The following TBC1D32 variants were observed in gnomAD, a reference collection of about 807,000 sequenced individuals.
TBC1D32 encodes protein broad-minded.
In TBC1D32, 151 loss-of-function variants were observed where a neutral mutation model predicts 170.3. The observed-to-expected ratio is 0.89, with a 90% CI of 0.78 to 1.01. TBC1D32 has a LOEUF of 1.01. Among genes scored for constraint, TBC1D32 ranks in the 50% least tolerant of loss-of-function variants. The pLI is 0.00. For missense variants in TBC1D32, 1,464 were observed against 1,457.1 expected, an observed-to-expected ratio of 1.00 and a Z score of -0.08; for synonymous variants, 498 against 488.0, an observed-to-expected ratio of 1.02 and a Z score of -0.27.
chr6:121,190,145 C>G (rs1789787213), intron 22 of TBC1D32, among the ~76,000 whole-genome samples: 1 of 143,042 alleles, frequency 7.0e-6, no homozygotes. Flanking sequence ...CCTCTCCGTC[C>G]CCCACCACCC....
chr6:121,299,296 A>T, intron 10 of TBC1D32, 150 bp downstream of exon 10: 1 of 752,590 alleles, frequency 1.3e-6, no homozygotes, highest in South Asian at 1.8e-5. Flanking sequence ...TTTATGTGTC[A>T]CAGGATGGTA....
At chr6:121,308,464 AG>A (rs1807659164) in intron 4 of TBC1D32, among the ~76,000 whole-genome samples, 2 of 152,020 alleles carry the variant, frequency 1.3e-5, no homozygotes, top group African/African-American at 4.8e-5. Flanking sequence ...CCGTTCCTAC[AG>A]TTTGAGGGCT....
intron 24 of TBC1D32, among the ~76,000 whole-genome samples, chr6:121,150,168 T>C (rs997460628): frequency 1.3e-5 from 2 of 152,244 alleles, no homozygotes; most frequent in African/African-American, 2.4e-5. Context: ...ATAACTCTTA[T>C]TATTTTGAGA....
intron 1 of TBC1D32, among the ~76,000 whole-genome samples, chr6:121,325,748 G>C (rs976018553): frequency 6.6e-6 from 1 of 152,062 alleles, no homozygotes; most frequent in Non-Finnish European, 1.5e-5. Context: ...CAAAAGCAAT[G>C]GCAACAAAAG....
Position 121,324,872 on chromosome 6 carries a change from G to A in TBC1D32, c.156-3078C>T, listed in dbSNP as rs543305288. 3.3e-5 allele frequency among the ~76,000 whole-genome samples: 5 copies of A among 152,222 alleles called. No homozygotes were observed. In the South Asian group the frequency reaches 1.0e-3, roughly 32 times the overall value. On this transcript the variant is annotated intron_variant, in intron 1 of 31. Coordinates refer to ENST00000398212, the MANE Select transcript of TBC1D32 (RefSeq NM_152730.6). Reference sequence around the variant, plus strand: ...TGACAACTGCTTCTACACACAGTTGGCTCTGAAACAGACTTGGCAGATGTG... The same window carrying A: ...TGACAACTGCTTCTACACACAGTTGACTCTGAAACAGACTTGGCAGATGTG...
intron 29 of TBC1D32, among the ~76,000 whole-genome samples, chr6:121,108,565 A>G (rs1318648638): frequency 1.3e-5 from 2 of 152,112 alleles, no homozygotes; most frequent in African/African-American, 2.4e-5. Flanking sequence ...TTGAGATCCT[A>G]GAAAGTGACA....
chr6:121,322,628 G>A (rs1365826265), intron 1 of TBC1D32, among the ~76,000 whole-genome samples: 2 of 152,118 alleles, frequency 1.3e-5, no homozygotes, highest in African/African-American at 4.8e-5. Flanking sequence ...GCAGTTATAT[G>A]ACCTGCTTTA....
chr6:121,294,818 T>A (rs569983142), intron 10 of TBC1D32, among the ~76,000 whole-genome samples, 158 bp from the exon 11 acceptor site: 30 of 152,318 alleles, frequency 2.0e-4, no homozygotes, highest in South Asian at 6.2e-4. Flanking sequence ...CCTCCTCAAT[T>A]ACATTTTAAC....
chr6:121,128,952 A>G (rs567697895), intron 25 of TBC1D32, among the ~76,000 whole-genome samples: 32 of 152,262 alleles, frequency 2.1e-4, no homozygotes, highest in African/African-American at 7.7e-4. Flanking sequence ...GTGCCCTTAT[A>G]ATAGAGGCTG....
At chr6:121,161,240 T>C (rs1328188690) in intron 22 of TBC1D32, among the ~76,000 whole-genome samples, 184 bp from the exon 23 acceptor site, 1 of 152,142 alleles carries the variant, frequency 6.6e-6, no homozygotes, top group African/African-American at 2.4e-5. Context: ...GATGTGCAGG[T>C]TTGTTACATA....
intron 26 of TBC1D32, among the ~76,000 whole-genome samples, chr6:121,120,747 G>T (rs1168427877): frequency 6.6e-6 from 1 of 151,898 alleles, no homozygotes; most frequent in African/African-American, 2.4e-5. Context: ...ATGACACAAG[G>T]TATATCAAGT....
At chr6:121,178,158 C>CAG (rs1788019601) in intron 22 of TBC1D32, among the ~76,000 whole-genome samples, 2 of 152,132 alleles carry the variant, frequency 1.3e-5, no homozygotes, top group Admixed American at 1.3e-4. Context: ...ATGGGGGAAA[C>CAG]TGCGCCCATG....
At chr6:121,334,228 T>C (rs1428697626) in intron 1 of TBC1D32, 48 bp downstream of exon 1, 1 of 1,542,832 alleles carries the variant, frequency 6.5e-7, no homozygotes, top group African/African-American at 1.4e-5. Flanking sequence ...CTCTGGACCC[T>C]CTCTGGATCG....
intron 24 of TBC1D32, among the ~76,000 whole-genome samples, chr6:121,150,359 T>A (rs924338828): frequency 6.6e-6 from 1 of 152,210 alleles, no homozygotes; most frequent in African/African-American, 2.4e-5. Flanking sequence ...TGAAGCCGAC[T>A]TGATTGTAGT....
At chr6:121,264,854 A>T (rs1293428088) in intron 15 of TBC1D32, among the ~76,000 whole-genome samples, 1 of 152,180 alleles carries the variant, frequency 6.6e-6, no homozygotes, top group African/African-American at 2.4e-5. Context: ...CCTTCGATAA[A>T]ATTCAACATC....
chr6:121,188,522 C>T (rs1789515431), intron 22 of TBC1D32, among the ~76,000 whole-genome samples: 1 of 151,928 alleles, frequency 6.6e-6, no homozygotes, highest in South Asian at 2.1e-4. Context: ...AATCTAAGTC[C>T]TAAGCTTCTA....
intron 21 of TBC1D32, among the ~76,000 whole-genome samples, chr6:121,207,013 G>T (rs1354367584): frequency 1.3e-5 from 2 of 152,038 alleles, no homozygotes; most frequent in East Asian, 1.9e-4. Flanking sequence ...AATAGTCTTT[G>T]CCCTGGACAT....
At chr6:121,268,928 G>T (rs1583483451) in intron 15 of TBC1D32, among the ~76,000 whole-genome samples, 1 of 152,172 alleles carries the variant, frequency 6.6e-6, no homozygotes, top group African/African-American at 2.4e-5. Context: ...CAGACACTCT[G>T]CAAGCCAGAA....
Position 121,172,137 on chromosome 6 carries a change from T to C in TBC1D32, c.2571-11081A>G, listed in dbSNP as rs183672265. ...CTCTCTTGAATGCCACCACGTAAGA[T>C]GTGCCTTTCACCTTCCACCATGATT... On this transcript the variant is annotated intron_variant, in intron 22 of 31. Coordinates refer to ENST00000398212, the MANE Select transcript of TBC1D32 (RefSeq NM_152730.6). Among the ~76,000 whole-genome samples the C allele has an allele frequency of 2.6e-3, 394 of 152,230 alleles. 8 individuals carry two copies. Among genetic ancestry groups the C allele is most frequent in the East Asian group, 3.9e-3 (20 of 5,176 alleles).
Sources: allele counts gnomAD v4.1 joint callset (sites outside exome capture counted in the v4.1 genomes callset), GRCh38; gene constraint gnomAD v4.1.1; transcripts MANE v1.5; gene names NCBI Gene and HGNC (gene_info 2026-07-23, HGNC 2026-07-21).